The following MOV10 variants were observed in gnomAD, a reference collection of about 807,000 sequenced individuals.
MOV10 encodes Mov10 RNA helicase.
Under a neutral mutation model 108.4 loss-of-function variants are expected in MOV10, and 39 were observed. The ratio of observed to expected loss-of-function variants is 0.36; its 90% CI spans 0.28 to 0.47. The LOEUF (loss-of-function observed/expected upper bound fraction) is 0.47, where lower values mean the gene tolerates loss of function less well. Ranked by LOEUF, MOV10 falls within the 20% of genes least tolerant of loss-of-function variation. The pLI is 1.00. For missense variants in MOV10, 952 were observed against 1,297.6 expected (o/e 0.73, Z 4.09); for synonymous variants, 490 against 523.1 (o/e 0.94, Z 0.86).
chr1:112,689,762 G>T lies in MOV10; in HGVS notation c.578-78G>T, dbSNP rs1673411530. 1.5e-5 allele frequency: 24 copies of T among 1,584,914 alleles called. 1 individual carries two copies. In the South Asian group the frequency reaches 2.8e-4, roughly 18 times the overall value. On this transcript the variant is annotated intron_variant, in intron 4 of 20. Coordinates refer to ENST00000369645, the MANE Select transcript of MOV10 (RefSeq NM_001321324.2). ...CATGGGACTCTTGCCTTGGGATGGG[G>T]CTTCCTGGGGGAGTGTCCGGGATAA... is the stretch of plus-strand genomic sequence containing the variant.
Position 112,698,357 on chromosome 1 carries a change from A to G in MOV10, c.2387A>G (p.Asn796Ser). 1 of 1,614,126 alleles carries G rather than the reference A, an allele frequency of 6.2e-7. No individual in the cohort carries two copies. The highest frequency in any genetic ancestry group is 8.5e-7 in the Non-Finnish European group (1 of 1,180,014). The stretch of plus-strand genomic sequence containing the variant: ...GAAGGCAACAGCCCATCCTTCTTCA[A>G]CCCTGAAGAGGCTGCCACAGTGACT... Reference protein sequence around the residue: ...EREGNSPSFFNPEEAATVTSY... With the variant: ...EREGNSPSFFSPEEAATVTSY... The change falls in exon 16 of 21, where the codon AAC becomes AGC. Residue 796 changes from asparagine (N) to serine (S), a missense_variant. By Grantham distance (46) the Asn-to-Ser change is conservative. Transcript: ENST00000369645.
At chr1:112,692,412 G>A (rs550318936) in intron 6 of MOV10, among the ~76,000 whole-genome samples, 1 of 152,348 alleles carries the variant, frequency 6.6e-6, no homozygotes, top group African/African-American at 2.4e-5. Context: ...CAGAAGGCCA[G>A]TTAGTCCTGG....
rs1364999444 is a variant in MOV10, at chr1:112,688,930, G to A, written c.138-5G>A. 3 of 1,612,128 alleles carry A rather than the reference G, an allele frequency of 1.9e-6. No individual in the cohort carries two copies. The Admixed American group carries it at 5.0e-5, about 27-fold the overall frequency. ...TCACTTCCCAGTCTCCTCTGCTTCT[G>A]GCAGCTTTGGGACCCCCGCCCCTGG... On this transcript the variant is annotated splice_polypyrimidine_tract_variant and splice_region_variant and intron_variant, in intron 2 of 20. Transcript: ENST00000369645.
At chr1:112,692,956 G>A in intron 7 of MOV10, 27 bp downstream of exon 7, 1 of 1,588,970 alleles carries the variant, frequency 6.3e-7, no homozygotes, top group Non-Finnish European at 8.6e-7. Context: ...AGTGTGAGGA[G>A]GGTGGGCTCA....
At chr1:112,689,201 T>A (rs1159303360) in intron 3 of MOV10, 63 bp downstream of exon 3, 6 of 1,484,328 alleles carry the variant, frequency 4.0e-6, no homozygotes, top group African/African-American at 1.4e-5. Flanking sequence ...AAGGGGGCTA[T>A]CTGTGTGAGG....
At position 112,698,421 on chromosome 1, in the gene MOV10, G is replaced by C. The variant is rs749104311; in HGVS notation, c.2451G>C (p.Lys817Asn). 6.2e-7 allele frequency: 1 copy of C among 1,614,192 alleles called. No homozygotes were observed. Among genetic ancestry groups the C allele is most frequent in the Admixed American group, 1.7e-5 (1 of 60,026 alleles). Residue 817 changes from lysine to asparagine, a missense_variant, in exon 16 of 21, where the codon AAG becomes AAC. Lys to Asn is a moderately conservative substitution (Grantham distance 94). Around this residue, in one of 5 missense-constraint regions of MOV10, gnomAD observed 453 missense variants for 611.5 expected, o/e 0.74. Coordinates refer to ENST00000369645, the MANE Select transcript of MOV10 (RefSeq NM_001321324.2). ...LKLLLAPSSK[K>N]GKARLSPRSV... is the part of the protein sequence containing the mutation. ...TGCTCCTGGCCCCCTCCTCCAAGAA[G>C]GGCAAAGCTCGCCTGAGCCCTCGAA...
Position 112,700,455 on chromosome 1 carries a change from G to A in MOV10, c.2960G>A (p.Gly987Asp), listed in dbSNP as rs752995933. ...SHDYLPQEREGEGGLSLQVEP... is the reference protein window; with the variant it reads ...SHDYLPQEREDEGGLSLQVEP... ...GACTACCTCCCCCAGGAGCGGGAGGGTGAAGGGGGCCTGTCTCTGCAAGTG... is the reference window on the plus strand; with the variant it reads ...GACTACCTCCCCCAGGAGCGGGAGGATGAAGGGGGCCTGTCTCTGCAAGTG... Residue 987 changes from glycine (G) to aspartate (D), a missense_variant, in exon 21 of 21, where the codon GGT becomes GAT. Physicochemically the swap from Gly to Asp is moderately conservative, Grantham distance 94. Around this residue, in one of 5 missense-constraint regions of MOV10, gnomAD observed 42 missense variants for 36.5 expected, o/e 1.15. Coordinates refer to ENST00000369645, the MANE Select transcript of MOV10 (RefSeq NM_001321324.2). 6.2e-7 allele frequency: 1 copy of A among 1,613,906 alleles called. No individual in the cohort carries two copies. Among genetic ancestry groups the A allele is most frequent in the Non-Finnish European group, 8.5e-7 (1 of 1,179,914 alleles).
At chr1:112,689,808 C>G in intron 4 of MOV10, 32 bp from the exon 5 acceptor site, 2 of 1,606,984 alleles carry the variant, frequency 1.2e-6, no homozygotes, top group Non-Finnish European at 1.7e-6. Context: ...GGGAGGGTCC[C>G]TACCCCCATT....
Position 112,696,866 on chromosome 1 carries a change from TC to T in MOV10, c.2198+24del. 6.5e-7 allele frequency: 1 copy of T among 1,541,074 alleles called. No individual in the cohort carries two copies. The highest frequency in any genetic ancestry group is 8.8e-7 in the Non-Finnish European group (1 of 1,138,418). ...CTACAGGTATTCCCATGCCCTTGCCTCCCCTGCCATATCCTATGCTTTCACA... is the reference window on the plus strand; with the variant it reads ...CTACAGGTATTCCCATGCCCTTGCCTCCCTGCCATATCCTATGCTTTCACA... On this transcript the variant is annotated intron_variant, in intron 14 of 20. Coordinates refer to ENST00000369645, the MANE Select transcript of MOV10 (RefSeq NM_001321324.2).
Position 112,696,430 on chromosome 1 carries a change from C to G in MOV10, c.1884-7C>G. ...ATATGACCCCTGCCTGGCCTGACAC[C>G]TCCCAGGTTGGTCTCGGCCCAGTTT... On this transcript the variant is annotated splice_region_variant and splice_polypyrimidine_tract_variant and intron_variant, in intron 12 of 20. Coordinates refer to ENST00000369645, the MANE Select transcript of MOV10 (RefSeq NM_001321324.2). 6.2e-7 allele frequency: 1 copy of G among 1,609,838 alleles called. No individual in the cohort carries two copies. Among genetic ancestry groups the G allele is most frequent in the Non-Finnish European group, 8.5e-7 (1 of 1,176,104 alleles).
chr1:112,700,221 T>C lies in MOV10; in HGVS notation c.2801T>C (p.Phe934Ser). The change falls in exon 20 of 21, where the codon TTC (phenylalanine) becomes TCC (serine). Residue 934 changes from phenylalanine (F) to serine (S), a missense_variant and splice_region_variant. Phe to Ser is a radical substitution (Grantham distance 155). Transcript: ENST00000369645. ...TGGCACTCCTCTGTACCCCACAGAT[T>C]CCTGGAGTTCTGTAAAGAAAACGGA... ...LLGHDPDWKVFLEFCKENGGY... is the reference protein window; with the variant it reads ...LLGHDPDWKVSLEFCKENGGY... 2 of 1,613,996 alleles carry C rather than the reference T, an allele frequency of 1.2e-6. No individual in the cohort carries two copies. The highest frequency in any genetic ancestry group is 1.7e-6 in the Non-Finnish European group (2 of 1,179,894).
chr1:112,680,655 CAAAAAA>C (rs1229116415), intron 2 of MOV10, among the ~76,000 whole-genome samples: 1 of 36,896 alleles, frequency 2.7e-5, no homozygotes, highest in Non-Finnish European at 4.8e-5. Context: ...GACTCCGTCT[CAAAAAA>C]AAAAAAAAAA....
chr1:112,674,803 G>A, intron 1 of MOV10, 45 bp from the exon 2 acceptor site: 3 of 1,125,052 alleles, frequency 2.7e-6, no homozygotes, highest in South Asian at 1.6e-5. Context: ...GAGTTAGGGG[G>A]CTTCCCTCCT....
At chr1:112,681,288 T>C (rs1672629924) in intron 2 of MOV10, among the ~76,000 whole-genome samples, 1 of 151,994 alleles carries the variant, frequency 6.6e-6, no homozygotes, top group South Asian at 2.1e-4. Flanking sequence ...GGTCAGGAGT[T>C]TGAGACCAGT....
chr1:112,690,000 G>C lies in MOV10; in HGVS notation c.738G>C (p.Leu246=). The stretch of plus-strand genomic sequence containing the variant: ...TGGCTGCCGTCGCCCACAGCCCCCT[G>C]GCTGCACAGCTGAAGCCCATGACTC... ...RFLAAVAHSP[L]AAQLKPMTPF... The change falls in exon 5 of 21, where the codon CTG becomes CTC. Residue 246 remains leucine (L), a synonymous_variant. Coordinates refer to ENST00000369645, the MANE Select transcript of MOV10 (RefSeq NM_001321324.2). 1.2e-6 allele frequency: 2 copies of C among 1,614,146 alleles called. No individual in the cohort carries two copies. Among genetic ancestry groups the C allele is most frequent in the Non-Finnish European group, 1.7e-6 (2 of 1,180,040 alleles).
At chr1:112,681,900 G>GT (rs751683438) in intron 2 of MOV10, among the ~76,000 whole-genome samples, 4,578 of 139,300 alleles carry the variant, frequency 0.033, 102 homozygotes, top group African/African-American at 0.066. Flanking sequence ...TTGTTTATGG[G>GT]TTTTTTTTTT....
rs956769150 is a variant in MOV10, at chr1:112,683,539, A to G, written c.138-5396A>G. ...TTTTTTGTAGAAACAGGGTCTTGCTATGTTTCCCAGGATGGTCTTGAACTT... is the reference window on the plus strand; with the variant it reads ...TTTTTTGTAGAAACAGGGTCTTGCTGTGTTTCCCAGGATGGTCTTGAACTT... On this transcript the variant is annotated intron_variant, in intron 2 of 20. Coordinates refer to ENST00000369645, the MANE Select transcript of MOV10 (RefSeq NM_001321324.2). 3.3e-5 allele frequency among the ~76,000 whole-genome samples: 5 copies of G among 151,914 alleles called. 1 individual carries two copies. The highest frequency in any genetic ancestry group is 7.4e-5 in the Non-Finnish European group (5 of 67,964).
chr1:112,695,869 G>A (rs1243685823), intron 11 of MOV10, among the ~76,000 whole-genome samples: 7 of 152,056 alleles, frequency 4.6e-5, no homozygotes, highest in Non-Finnish European at 8.8e-5. Flanking sequence ...GCAAAATCCC[G>A]TCTCTACTAA....
In MOV10 at chr1:112,695,532, G is replaced by A. The variant is rs1673989997; in HGVS notation, c.1737G>A (p.Leu579=). The A allele has an allele frequency of 1.2e-6, 2 of 1,614,028 alleles. No homozygotes were observed. Among genetic ancestry groups the A allele is most frequent in the African/African-American group, 1.3e-5 (1 of 74,932 alleles). ...TTCCTAGCTCCATCTACCGCCTCCTGGCCCCCAGCAGGGACATCCGCATGG... is the reference window on the plus strand; with the variant it reads ...TTCCTAGCTCCATCTACCGCCTCCTAGCCCCCAGCAGGGACATCCGCATGG... ...VHLPSSIYRL[L]APSRDIRMVP... is the part of the protein sequence containing the mutation. The change falls in exon 11 of 21, where the codon CTG becomes CTA. Residue 579 remains leucine (L), a synonymous_variant. Transcript: ENST00000369645.
Sources: gnomAD v4.1 joint callset for allele counts (sites outside exome capture counted in the v4.1 genomes callset) on GRCh38, gnomAD v4.1.1 for gene constraint, gnomAD v4.1.1 regional missense constraint, MANE v1.5 for transcripts, NCBI Gene and HGNC (gene_info 2026-07-23, HGNC 2026-07-21) for gene names.